PHACTR1: variants seen among roughly 807,000 people sequenced by gnomAD.
PHACTR1 encodes the protein RPEL repeat containing 1.
Under a neutral mutation model 69.2 loss-of-function variants are expected in PHACTR1, and 16 were observed. The observed-to-expected ratio is 0.23, with a 90% CI of 0.16 to 0.35. The LOEUF is 0.35. PHACTR1 is among the 10% of genes least tolerant of loss of function. PHACTR1 has a pLI of 1.00. For missense variants in PHACTR1, 510 were observed against 734.7 expected, an observed-to-expected ratio of 0.69 and a Z score of 3.54; for synonymous variants, 312 against 284.5, an observed-to-expected ratio of 1.10 and a Z score of -0.97.
At chr6:12,972,201 C>G (rs1403497658) in intron 4 of PHACTR1, among the ~76,000 whole-genome samples, 1 of 152,178 alleles carries the variant, frequency 6.6e-6, no homozygotes, top group Non-Finnish European at 1.5e-5. Context: ...AGCCCAGAGG[C>G]ACGCAGACCA....
chr6:13,275,435 G>A lies in PHACTR1; in HGVS notation c.1447+2520G>A, dbSNP rs145650711. 6.6e-6 allele frequency: 1 copy of A among 152,320 alleles called. No homozygotes were observed. Among genetic ancestry groups the A allele is most frequent in the East Asian group, 1.9e-4 (1 of 5,186 alleles). 9.4% of individuals were successfully genotyped at this position (152,320 alleles called of 1,614,324 possible). A position where few individuals can be genotyped will look rare whatever the true frequency, so the allele number is the denominator to read the frequency against. On this transcript the variant is annotated intron_variant, in intron 11 of 14. Transcript: ENST00000332995. This position sits in a 1 kb window ranked among gnomAD's most constrained non-coding sequence, Gnocchi z 4.0. The stretch of plus-strand genomic sequence containing the variant: ...AACTAAAGGTATCAATTCTGTAGGT[G>A]GTAGCTTGTGGCCCCACCCCTCAGA...
chr6:12,768,997 T>G (rs1201444166), intron 4 of PHACTR1, among the ~76,000 whole-genome samples: 1 of 152,110 alleles, frequency 6.6e-6, no homozygotes, highest in Non-Finnish European at 1.5e-5. Flanking sequence ...CACTCATATA[T>G]AGAGTCTTAA....
chr6:12,971,864 G>A (rs1195213945), intron 4 of PHACTR1, among the ~76,000 whole-genome samples: 2 of 152,174 alleles, frequency 1.3e-5, no homozygotes, highest in African/African-American at 4.8e-5. Flanking sequence ...TGTTATCCCA[G>A]TTGAGGCAGG....
At chr6:13,050,278 T>TA (rs974610773) in intron 4 of PHACTR1, among the ~76,000 whole-genome samples, 3 of 152,236 alleles carry the variant, frequency 2.0e-5, no homozygotes, top group Admixed American at 6.5e-5. Context: ...TTGTTATTGT[T>TA]ACCACTCTCT....
intron 4 of PHACTR1, among the ~76,000 whole-genome samples, chr6:12,806,213 C>T (rs946295169): frequency 3.3e-5 from 5 of 152,184 alleles, no homozygotes; most frequent in East Asian, 3.8e-4. Context: ...CATTTTCAAC[C>T]GCAGTGTCTA....
intron 5 of PHACTR1, among the ~76,000 whole-genome samples, chr6:13,139,113 C>CTTT (rs10656438): frequency 4.3e-4 from 61 of 142,036 alleles, no homozygotes; most frequent in African/African-American, 1.1e-3. Flanking sequence ...TGCTATTTGC[C>CTTT]TTTTTTTTTT....
chr6:12,855,140 G>T (rs148394598), intron 4 of PHACTR1, among the ~76,000 whole-genome samples: 23 of 152,318 alleles, frequency 1.5e-4, no homozygotes, highest in African/African-American at 5.3e-4. Flanking sequence ...CAACCTAGGT[G>T]CCTATCAATG....
At chr6:12,870,406 A>G (rs1271339745) in intron 4 of PHACTR1, among the ~76,000 whole-genome samples, 1 of 152,198 alleles carries the variant, frequency 6.6e-6, no homozygotes, top group East Asian at 1.9e-4. Context: ...GTATGATTAC[A>G]TGTTTCATCA....
At chr6:13,203,868 C>T (rs1765560044) in intron 7 of PHACTR1, among the ~76,000 whole-genome samples, 1 of 152,100 alleles carries the variant, frequency 6.6e-6, no homozygotes, top group African/African-American at 2.4e-5. Context: ...TTCAGTTCCT[C>T]ACTGGGATAG....
In PHACTR1 at chr6:13,074,000, G is replaced by A. The variant is rs1809980913; in HGVS notation, c.415+20471G>A. Among the ~76,000 whole-genome samples, 3 of 151,852 alleles carry A rather than the reference G, an allele frequency of 2.0e-5. 1 individual carries two copies. The South Asian group carries it at 6.2e-4, about 31-fold the overall frequency. On this transcript the variant is annotated intron_variant, in intron 5 of 14. Coordinates refer to ENST00000332995, the MANE Select transcript of PHACTR1 (RefSeq NM_030948.6). ...TGATTCTCCTGCCTCAGCCTCCCGA[G>A]TAGCTGGGATTACAGGCGTATGCCA...
chr6:13,252,799 G>A (rs868450760), intron 10 of PHACTR1, among the ~76,000 whole-genome samples: 4 of 151,358 alleles, frequency 2.6e-5, no homozygotes, highest in Non-Finnish European at 5.9e-5. Flanking sequence ...GAAGCTTTAT[G>A]TTTAAATTTA....
intron 4 of PHACTR1, among the ~76,000 whole-genome samples, chr6:12,940,065 C>T (rs569919286): frequency 1.0e-3 from 157 of 152,216 alleles, no homozygotes; most frequent in African/African-American, 3.5e-3. Flanking sequence ...GATTCATTTC[C>T]CCCCTGCTGT....
Position 12,952,412 on chromosome 6 carries a change from G to A in PHACTR1, c.251-100953G>A, listed in dbSNP as rs58534467. Among the ~76,000 whole-genome samples, 819 of 152,156 alleles carry A rather than the reference G, an allele frequency of 5.4e-3. 6 individuals carry two copies. Among genetic ancestry groups the A allele is most frequent in the African/African-American group, 0.018 (760 of 41,506 alleles). The stretch of plus-strand genomic sequence containing the variant: ...ATTCATCACTCCCTCCCCCAACCCC[G>A]ATCTTTTCATTGTCTCCATAGTGTT... On this transcript the variant is annotated intron_variant, in intron 4 of 14. Coordinates refer to ENST00000332995, the MANE Select transcript of PHACTR1 (RefSeq NM_030948.6).
intron 4 of PHACTR1, among the ~76,000 whole-genome samples, chr6:12,929,144 G>A (rs9369655): frequency 6.6e-6 from 1 of 152,104 alleles, no homozygotes; most frequent in Non-Finnish European, 1.5e-5. Context: ...TGATCAACTG[G>A]CACAGAGGAA....
intron 5 of PHACTR1, among the ~76,000 whole-genome samples, chr6:13,074,491 C>A (rs1161096069): frequency 2.0e-5 from 3 of 151,982 alleles, no homozygotes; most frequent in Non-Finnish European, 4.4e-5. Flanking sequence ...ATGCACTTAC[C>A]CTTGACCTTG....
chr6:12,944,787 A>ATTTTTTTTTTTTTTT (rs67157877), intron 4 of PHACTR1, among the ~76,000 whole-genome samples: 1 of 116,340 alleles, frequency 8.6e-6, no homozygotes, highest in African/African-American at 3.3e-5. Context: ...ATTTTTATTT[A>ATTTTTTTTTTTTTTT]TTTTTTTTTT....
intron 4 of PHACTR1, among the ~76,000 whole-genome samples, chr6:12,953,521 A>G (rs1462188995): frequency 6.6e-6 from 1 of 152,230 alleles, no homozygotes; most frequent in Non-Finnish European, 1.5e-5. Context: ...AACCCTGTGT[A>G]CTTTGGAGAC....
At position 13,245,063 on chromosome 6, in the gene PHACTR1, T is replaced by TG. The variant is rs1386985103; in HGVS notation, c.1391+14874dup. On this transcript the variant is annotated intron_variant, in intron 10 of 14. Transcript: ENST00000332995. This position sits in a 1 kb window ranked among gnomAD's most constrained non-coding sequence, Gnocchi z 4.1. ...CATGGTTTCAGCCGGTCCCTCTGTT[T>TG]GGGGTCCCTGACTTCCCGCAACAGT... Among the ~76,000 whole-genome samples, 1 of 152,232 alleles carries TG rather than the reference T, an allele frequency of 6.6e-6. No homozygotes were observed. The highest frequency in any genetic ancestry group is 2.4e-5 in the African/African-American group (1 of 41,452).
chr6:12,964,751 AATG>A, intron 4 of PHACTR1, among the ~76,000 whole-genome samples: 1 of 152,314 alleles, frequency 6.6e-6, no homozygotes, highest in African/African-American at 2.4e-5. Flanking sequence ...AATAAATAAT[AATG>A]ATAATAAATA....
Sources: allele counts gnomAD v4.1 joint callset (sites outside exome capture counted in the v4.1 genomes callset), GRCh38; gene constraint gnomAD v4.1.1; non-coding constraint Gnocchi (gnomAD v3.1); transcripts MANE v1.5; gene names NCBI Gene and HGNC (gene_info 2026-07-23, HGNC 2026-07-21).